Variants in MYRIP observed in about 807,000 individuals in gnomAD.
MYRIP encodes rab effector MyRIP.
A neutral mutation model predicts 98.0 loss-of-function variants in MYRIP; 49 were observed. The ratio of observed to expected loss-of-function variants is 0.50; its 90% CI spans 0.40 to 0.63. The LOEUF is 0.63. Ranked by LOEUF, MYRIP falls within the 30% of genes least tolerant of loss-of-function variation. The pLI is 0.00. For synonymous variants in MYRIP, 404 were observed against 409.5 expected (o/e 0.99, Z 0.16); for missense variants, 1,004 against 1,058.2 (o/e 0.95, Z 0.71).
chr3:39,836,432 A>G (rs1360533777), intron 1 of MYRIP, among the ~76,000 whole-genome samples: 1 of 151,996 alleles, frequency 6.6e-6, no homozygotes, highest in Non-Finnish European at 1.5e-5. Flanking sequence ...CCACTTTTGG[A>G]TGGGGTTGTT....
At chr3:40,182,624 C>G (rs1008994644) in intron 9 of MYRIP, among the ~76,000 whole-genome samples, 1 of 152,208 alleles carries the variant, frequency 6.6e-6, no homozygotes, top group Non-Finnish European at 1.5e-5. Flanking sequence ...ATATTCTATG[C>G]TCTGTGCTGA....
intron 1 of MYRIP, among the ~76,000 whole-genome samples, chr3:39,895,938 C>A (rs200913281): frequency 6.6e-6 from 1 of 151,170 alleles, no homozygotes; most frequent in African/African-American, 2.4e-5. Flanking sequence ...TGTGTGTGTG[C>A]GCGTGCACGT....
intron 1 of MYRIP, among the ~76,000 whole-genome samples, chr3:39,816,825 AT>A (rs564439359): frequency 6.6e-6 from 1 of 152,296 alleles, no homozygotes; most frequent in Non-Finnish European, 1.5e-5. Flanking sequence ...ATTTTTATAT[AT>A]TTTTTTCCAG....
intron 3 of MYRIP, among the ~76,000 whole-genome samples, chr3:40,149,810 A>G (rs1950082928): frequency 6.6e-6 from 1 of 151,566 alleles, no homozygotes; most frequent in Non-Finnish European, 1.5e-5. Context: ...TTTTGCTCTC[A>G]CCCCCATTCC....
chr3:39,933,773 A>G (rs947632549), intron 2 of MYRIP, among the ~76,000 whole-genome samples: 1 of 152,196 alleles, frequency 6.6e-6, no homozygotes, highest in Non-Finnish European at 1.5e-5. Context: ...TGTACCAGGC[A>G]TTGTGCTAGA....
At chr3:40,144,830 A>T (rs147562863) in intron 3 of MYRIP, among the ~76,000 whole-genome samples, 47 of 152,314 alleles carry the variant, frequency 3.1e-4, no homozygotes, top group Middle Eastern at 3.4e-3. Flanking sequence ...GGAGAGAGAG[A>T]GTCTCTATTC....
At chr3:40,066,895 T>G (rs984223628) in intron 3 of MYRIP, among the ~76,000 whole-genome samples, 1 of 152,338 alleles carries the variant, frequency 6.6e-6, no homozygotes, top group African/African-American at 2.4e-5. Context: ...TGTGAATGAG[T>G]GACATATTTG....
chr3:40,022,396 A>G (rs12638237), intron 2 of MYRIP, among the ~76,000 whole-genome samples: 12,989 of 152,234 alleles, frequency 0.085, 887 homozygotes, highest in African/African-American at 0.18. Context: ...GTGAGTCTTC[A>G]AGGAAAAAGA....
intron 1 of MYRIP, among the ~76,000 whole-genome samples, chr3:39,846,182 A>G (rs1436828727): frequency 8.2e-6 from 1 of 121,774 alleles, no homozygotes; most frequent in Non-Finnish European, 1.7e-5. Context: ...AACTCTCTCA[A>G]CTCTTGGAAA....
intron 3 of MYRIP, among the ~76,000 whole-genome samples, chr3:40,061,542 C>A (rs779175675): frequency 1.3e-5 from 2 of 152,218 alleles, no homozygotes; most frequent in Non-Finnish European, 2.9e-5. Context: ...CTGCAGTGAA[C>A]ATACATGTGT....
chr3:40,158,054 C>G (rs888915534), intron 4 of MYRIP, among the ~76,000 whole-genome samples: 6 of 151,884 alleles, frequency 4.0e-5, no homozygotes, highest in Non-Finnish European at 8.8e-5. Flanking sequence ...AATGTGTTTG[C>G]TCTTGCTTTT....
chr3:40,189,904 T>C lies in MYRIP; in HGVS notation c.1106T>C (p.Leu369Pro), dbSNP rs752471787. The change falls in exon 10 of 17, where the codon CTG (leucine) becomes CCG (proline). Residue 369 changes from leucine (L) to proline (P), a missense_variant. By Grantham distance (98) the Leu-to-Pro change is moderately conservative. Transcript: ENST00000302541. Reference sequence around the variant, plus strand: ...GGCGCTCCACCCCCCACCCGACTACTGGCCAAACCTAAGAGCGGGACGTTT... The same window carrying C: ...GGCGCTCCACCCCCCACCCGACTACCGGCCAAACCTAAGAGCGGGACGTTT... ...KDGAPPPTRL[L>P]AKPKSGTFQA... 2.5e-6 allele frequency: 4 copies of C among 1,614,168 alleles called. No homozygotes were observed. The South Asian group carries it at 4.4e-5, about 18-fold the overall frequency.
At chr3:40,148,214 T>C (rs1057000150) in intron 3 of MYRIP, among the ~76,000 whole-genome samples, 15 of 152,228 alleles carry the variant, frequency 9.9e-5, no homozygotes, top group Non-Finnish European at 2.1e-4. Context: ...CTCCTTATCT[T>C]TGAGGATCTG....
At chr3:39,980,968 G>C (rs1199053145) in intron 2 of MYRIP, among the ~76,000 whole-genome samples, 4 of 152,046 alleles carry the variant, frequency 2.6e-5, no homozygotes, top group Non-Finnish European at 5.9e-5. Flanking sequence ...TGGAGATGGT[G>C]GTGATGGTTG....
chr3:39,887,664 A>G (rs1420362724), intron 1 of MYRIP, among the ~76,000 whole-genome samples: 4,664 of 151,822 alleles, frequency 0.031, 110 homozygotes, highest in Non-Finnish European at 0.04. Context: ...CATAGTGTTG[A>G]AAGTTCTGGC....
chr3:39,954,230 C>G (rs1167898394), intron 2 of MYRIP, among the ~76,000 whole-genome samples: 3 of 152,138 alleles, frequency 2.0e-5, no homozygotes, highest in East Asian at 3.9e-4. Context: ...GTCCCTGACA[C>G]CCAAGTAGCT....
intron 3 of MYRIP, among the ~76,000 whole-genome samples, chr3:40,146,478 G>A (rs1950012929): frequency 6.6e-6 from 1 of 152,136 alleles, no homozygotes. Context: ...CAATTTAAAA[G>A]GGGCACCTCC....
At chr3:39,816,295 GATGGTC>G (rs1332018358) in intron 1 of MYRIP, among the ~76,000 whole-genome samples, 1 of 152,052 alleles carries the variant, frequency 6.6e-6, no homozygotes, top group Non-Finnish European at 1.5e-5. Flanking sequence ...TTTTAGCCAG[GATGGTC>G]TCGATCTCCT....
chr3:39,851,827 A>C (rs2125606841), intron 1 of MYRIP, among the ~76,000 whole-genome samples: 1 of 152,224 alleles, frequency 6.6e-6, no homozygotes, highest in South Asian at 2.1e-4. Flanking sequence ...AAATGCCTAT[A>C]GGATCTGGTG....
Sources: allele counts gnomAD v4.1 joint callset (sites outside exome capture counted in the v4.1 genomes callset), GRCh38; gene constraint gnomAD v4.1.1; transcripts MANE v1.5; gene names NCBI Gene and HGNC (gene_info 2026-07-23, HGNC 2026-07-21).